The following GRIN2A variants were observed in gnomAD, a reference collection of about 807,000 sequenced individuals.
GRIN2A encodes the protein glutamate receptor ionotropic, NMDA 2A.
GRIN2A carries 22 observed loss-of-function variants against 113.4 expected under a neutral mutation model. The observed-to-expected ratio is 0.19, with a 90% confidence interval of 0.14 to 0.28. The LOEUF is 0.28. GRIN2A is among the 10% of genes least tolerant of loss of function. GRIN2A has a pLI of 1.00. For synonymous variants in GRIN2A, 827 were observed against 738.4 expected, an observed-to-expected ratio of 1.12 and a Z score of -1.94; for missense variants, 1,502 against 1,887.0, an observed-to-expected ratio of 0.80 and a Z score of 3.78.
intron 2 of GRIN2A, among the ~76,000 whole-genome samples, chr16:10,035,664 G>C (rs890046776): frequency 6.6e-6 from 1 of 151,724 alleles, no homozygotes; most frequent in East Asian, 2.0e-4. Flanking sequence ...ATTCCCAAGT[G>C]ATGCTGATGC....
intron 7 of GRIN2A, among the ~76,000 whole-genome samples, chr16:9,836,270 T>C (rs1488203069): frequency 6.6e-6 from 1 of 152,218 alleles, no homozygotes; most frequent in African/African-American, 2.4e-5. Flanking sequence ...GTGGAATAGC[T>C]GTGTGATTCC....
intron 4 of GRIN2A, among the ~76,000 whole-genome samples, chr16:9,857,108 T>C (rs1160829041): frequency 1.3e-5 from 2 of 152,132 alleles, no homozygotes; most frequent in South Asian, 2.1e-4. Flanking sequence ...CTAGAAGATA[T>C]CTGACCAGTA....
At chr16:9,773,139 A>G (rs1901381502) in intron 11 of GRIN2A, among the ~76,000 whole-genome samples, 1 of 152,034 alleles carries the variant, frequency 6.6e-6, no homozygotes, top group Non-Finnish European at 1.5e-5. Flanking sequence ...TGGTTTTGAT[A>G]TTTTTCGTGG....
At chr16:9,820,344 A>C (rs1298463288) in intron 10 of GRIN2A, among the ~76,000 whole-genome samples, 3 of 152,220 alleles carry the variant, frequency 2.0e-5, no homozygotes, top group African/African-American at 7.2e-5. Context: ...AAAAATCCCA[A>C]ACCCATGGCT....
At chr16:10,139,663 T>C (rs1267106124) in intron 2 of GRIN2A, among the ~76,000 whole-genome samples, 1 of 152,124 alleles carries the variant, frequency 6.6e-6, no homozygotes, top group African/African-American at 2.4e-5. Flanking sequence ...GTATGCAACC[T>C]TACCCAAACA....
chr16:9,856,774 AAC>A (rs1197819684), intron 4 of GRIN2A, among the ~76,000 whole-genome samples: 53 of 152,188 alleles, frequency 3.5e-4, no homozygotes, highest in Admixed American at 8.5e-4. Context: ...TAGATGAGGA[AAC>A]TGAGGCATGG....
At chr16:9,839,687 G>A (rs2042640150) in intron 7 of GRIN2A, among the ~76,000 whole-genome samples, 1 of 152,116 alleles carries the variant, frequency 6.6e-6, no homozygotes, top group African/African-American at 2.4e-5. Flanking sequence ...ATTAACTGTG[G>A]ACAGCTTTAT....
chr16:9,753,521 A>G lies in GRIN2A; in HGVS notation c.*9628T>C, dbSNP rs941082174. Reference sequence around the variant, plus strand: ...TTCTGTTGCCTCAGGAGTTATATACATATCAGTTTGCACACGAATTTCAAT... The same window carrying G: ...TTCTGTTGCCTCAGGAGTTATATACGTATCAGTTTGCACACGAATTTCAAT... On this transcript the variant is annotated 3_prime_UTR_variant, in exon 13 of 13. Coordinates refer to ENST00000330684, the MANE Select transcript of GRIN2A (RefSeq NM_001134407.3). 2 of 203,640 alleles carry G rather than the reference A, an allele frequency of 9.8e-6. No homozygotes were observed. Among genetic ancestry groups the G allele is most frequent in the East Asian group, 7.5e-5 (1 of 13,362 alleles). The allele number at this position is 203,640 out of a possible 1,614,324, so 12.6% of individuals were successfully genotyped here.
At chr16:10,112,024 A>T in intron 2 of GRIN2A, 1 of 645,704 alleles carries the variant, frequency 1.5e-6, no homozygotes, top group Non-Finnish European at 2.8e-6. Context: ...AATGATCGCC[A>T]TGAGCTAGTG....
At chr16:9,972,048 G>A (rs1245239194) in intron 2 of GRIN2A, among the ~76,000 whole-genome samples, 1 of 152,136 alleles carries the variant, frequency 6.6e-6, no homozygotes, top group Non-Finnish European at 1.5e-5. Flanking sequence ...ACGGCCAGCA[G>A]AATATAAAAA....
chr16:10,097,971 A>G (rs2048325692), intron 2 of GRIN2A, among the ~76,000 whole-genome samples: 1 of 152,244 alleles, frequency 6.6e-6, no homozygotes, highest in South Asian at 2.1e-4. Context: ...GAGCTTCTGC[A>G]CAGCCAAAAG....
chr16:10,136,388 A>T (rs1264377612), intron 2 of GRIN2A, among the ~76,000 whole-genome samples: 1 of 152,210 alleles, frequency 6.6e-6, no homozygotes, highest in Non-Finnish European at 1.5e-5. Flanking sequence ...ATTCATTTGC[A>T]ACTAGGTGCT....
At chr16:9,811,391 G>T (rs1370128497) in intron 10 of GRIN2A, among the ~76,000 whole-genome samples, 1 of 152,160 alleles carries the variant, frequency 6.6e-6, no homozygotes, top group Non-Finnish European at 1.5e-5. Flanking sequence ...TGGAGAAAAT[G>T]ATTATCTGGC....
At chr16:9,858,215 GAGAGA>G (rs1349568044) in intron 4 of GRIN2A, among the ~76,000 whole-genome samples, 1 of 152,158 alleles carries the variant, frequency 6.6e-6, no homozygotes, top group African/African-American at 2.4e-5. Context: ...CTAAGAAATT[GAGAGA>G]AGAAAGCAAT....
rs532596060 is a variant in GRIN2A, at chr16:9,892,351, C to T, written c.1008-1251G>A. On this transcript the variant is annotated intron_variant, in intron 3 of 12. Coordinates refer to ENST00000330684, the MANE Select transcript of GRIN2A (RefSeq NM_001134407.3). ...AGAATAGATTGGAGGGGAACCAGAG[C>T]GGGTACAGAGGGACTACTTATGCTA... Among the ~76,000 whole-genome samples the T allele has an allele frequency of 1.1e-4, 16 of 152,112 alleles. No individual in the cohort carries two copies. The East Asian group carries it at 1.4e-3, about 13-fold the overall frequency.
intron 2 of GRIN2A, among the ~76,000 whole-genome samples, chr16:9,946,846 G>T (rs984047671): frequency 6.6e-6 from 1 of 152,172 alleles, no homozygotes; most frequent in African/African-American, 2.4e-5. Flanking sequence ...CAGACCCAAA[G>T]TTTAAGCTGT....
rs925460101 is a variant in GRIN2A, at chr16:9,991,662, T to G, written c.415-53111A>C. On this transcript the variant is annotated intron_variant, in intron 2 of 12. Transcript: ENST00000330684. ...TGAGAACATGTCACATTTGACTGTT[T>G]TGGAGTTGCTGCACTTAAGGGCCTC... 2.6e-5 allele frequency among the ~76,000 whole-genome samples: 4 copies of G among 152,310 alleles called. No individual in the cohort carries two copies. The South Asian group carries it at 8.3e-4, about 32-fold the overall frequency.
intron 2 of GRIN2A, among the ~76,000 whole-genome samples, chr16:10,110,179 G>C (rs564543010): frequency 7.9e-5 from 12 of 151,614 alleles, no homozygotes; most frequent in Admixed American, 4.6e-4. Context: ...AGAACAACAA[G>C]AAAGTTCTGG....
intron 10 of GRIN2A, among the ~76,000 whole-genome samples, chr16:9,821,593 A>G (rs947444699): frequency 1.3e-5 from 2 of 152,246 alleles, no homozygotes; most frequent in African/African-American, 4.8e-5. Context: ...AAGGCTTTCC[A>G]TCAGATTTTC....
Sources: gnomAD v4.1 joint callset for allele counts (sites outside exome capture counted in the v4.1 genomes callset) on GRCh38, gnomAD v4.1.1 for gene constraint, MANE v1.5 for transcripts, NCBI Gene and HGNC (gene_info 2026-07-23, HGNC 2026-07-21) for gene names.